BTG4: variants seen among roughly 807,000 people sequenced by gnomAD.
The protein encoded by BTG4 is protein BTG4.
A neutral mutation model predicts 19.3 loss-of-function variants in BTG4; 10 were observed. The ratio of observed to expected loss-of-function variants is 0.52; its 90% confidence interval spans 0.32 to 0.88. The LOEUF (loss-of-function observed/expected upper bound fraction) is 0.88. BTG4 is among the 40% of genes least tolerant of loss of function. BTG4 has a pLI of 0.04. For missense variants in BTG4, 238 were observed against 281.9 expected, an observed-to-expected ratio of 0.84 and a Z score of 1.11; for synonymous variants, 91 against 95.7, an observed-to-expected ratio of 0.95 and a Z score of 0.29.
intron 5 of BTG4, among the ~76,000 whole-genome samples, chr11:111,486,060 G>A (rs1865043449): frequency 6.6e-6 from 1 of 152,158 alleles, no homozygotes; most frequent in Non-Finnish European, 1.5e-5. Context: ...AACCTGAATA[G>A]ACCAATAACA....
the BTG4 span, among the ~76,000 whole-genome samples, chr11:111,450,143 C>A: frequency 3.6e-4 from 55 of 152,310 alleles, no homozygotes; most frequent in African/African-American, 1.2e-3. Context: ...GGGACACTGT[C>A]CAAGAGGTCA....
At chr11:111,498,865 T>A in intron 1 of BTG4, 63 bp from the exon 2 acceptor site, 2 of 1,190,102 alleles carry the variant, frequency 1.7e-6, no homozygotes, top group Non-Finnish European at 2.3e-6. Context: ...TATCAATATT[T>A]AACTGCCATT....
At chr11:111,477,859 G>GA (rs1277256744) in intron 5 of BTG4, among the ~76,000 whole-genome samples, 1 of 152,026 alleles carries the variant, frequency 6.6e-6, no homozygotes, top group Non-Finnish European at 1.5e-5. Flanking sequence ...AAAACAACAA[G>GA]AAAAAACTGG....
chr11:111,513,792 A>G (rs921751719), upstream of BTG4, among the ~76,000 whole-genome samples: 2 of 152,134 alleles, frequency 1.3e-5, no homozygotes, highest in African/African-American at 2.4e-5. Flanking sequence ...TATTATATGA[A>G]CATGTGATTA....
the BTG4 span, among the ~76,000 whole-genome samples, chr11:111,412,278 G>A: frequency 2.0e-5 from 3 of 152,180 alleles, no homozygotes; most frequent in African/African-American, 7.2e-5. Context: ...GAGGTGGGTA[G>A]GACAAATTCT....
At chr11:111,478,014 C>G (rs1207200504) in intron 5 of BTG4, among the ~76,000 whole-genome samples, 1 of 152,050 alleles carries the variant, frequency 6.6e-6, no homozygotes, top group Non-Finnish European at 1.5e-5. Context: ...CAGGGTAGTT[C>G]AAACCCTCCT....
chr11:111,412,552 C>T, the BTG4 span, among the ~76,000 whole-genome samples: 6,012 of 152,226 alleles, frequency 0.039, 128 homozygotes, highest in Middle Eastern at 0.14. Flanking sequence ...AGAATAATAA[C>T]AACAACAGTG....
At chr11:111,447,480 C>T in the BTG4 span, among the ~76,000 whole-genome samples, 1 of 152,350 alleles carries the variant, frequency 6.6e-6, no homozygotes, top group East Asian at 1.9e-4. Context: ...GCATTTCACA[C>T]ACGGAGAGTA....
At chr11:111,401,053 T>TAAAAAAAAAA in the BTG4 span, 2 of 82,150 alleles carry the variant, frequency 2.4e-5, no homozygotes, top group Non-Finnish European at 4.3e-5. Context: ...ACCTGGAGCA[T>TAAAAAAAAAA]AAAAAAAAAA....
chr11:111,455,320 C>G, the BTG4 span: 1 of 304,708 alleles, frequency 3.3e-6, no homozygotes, highest in East Asian at 7.9e-5. Context: ...GGGGTGTCCC[C>G]GAGCTTGCTG....
chr11:111,447,111 C>T, the BTG4 span, among the ~76,000 whole-genome samples: 2 of 152,318 alleles, frequency 1.3e-5, no homozygotes, highest in East Asian at 3.9e-4. Context: ...CCCTACAACG[C>T]CTCCTTCTGC....
intron 1 of BTG4, among the ~76,000 whole-genome samples, chr11:111,499,895 A>C (rs750987772): frequency 6.6e-6 from 1 of 152,076 alleles, no homozygotes; most frequent in South Asian, 2.1e-4. Context: ...TAATCCCAAC[A>C]CTTTGGAAGG....
At chr11:111,464,354 C>G (rs1357862024), downstream of BTG4, among the ~76,000 whole-genome samples, 1 of 152,118 alleles carries the variant, frequency 6.6e-6, no homozygotes, top group Non-Finnish European at 1.5e-5. Flanking sequence ...TTGCCATGTT[C>G]TATTCATTTG....
chr11:111,438,997 C>T, the BTG4 span, among the ~76,000 whole-genome samples: 6 of 152,332 alleles, frequency 3.9e-5, no homozygotes, highest in East Asian at 5.8e-4. Flanking sequence ...CAGGCTGCCC[C>T]GGCCTGGGTA....
chr11:111,405,104 G>A, the BTG4 span, among the ~76,000 whole-genome samples: 1 of 152,124 alleles, frequency 6.6e-6, no homozygotes, highest in Non-Finnish European at 1.5e-5. Flanking sequence ...GACTCTGCTG[G>A]ACATTAAGAT....
the BTG4 span, among the ~76,000 whole-genome samples, chr11:111,427,514 A>G: frequency 3.3e-5 from 5 of 152,282 alleles, no homozygotes; most frequent in African/African-American, 1.2e-4. Flanking sequence ...TTTCCTAATA[A>G]ATATTCTTCT....
At chr11:111,489,491 A>C (rs536021832) in intron 5 of BTG4, among the ~76,000 whole-genome samples, 1 of 152,348 alleles carries the variant, frequency 6.6e-6, no homozygotes, top group African/African-American at 2.4e-5. Flanking sequence ...TCCCATGTTT[A>C]TTGCAACCCT....
At chr11:111,454,284 C>T in the BTG4 span, 3 of 456,276 alleles carry the variant, frequency 6.6e-6, no homozygotes, top group East Asian at 2.1e-4. Context: ...TGGTTTGACA[C>T]AGAGGCCTTC....
In BTG4 at chr11:111,499,630, T is replaced by C. The variant is rs114684098; in HGVS notation, c.-26-828A>G. On this transcript the variant is annotated intron_variant, in intron 1 of 4. Transcript: ENST00000692032. ...TATCGTACATTCCAATGATGTCATC[T>C]CTAACTTAGCTGACAACATATTAAG... Among the ~76,000 whole-genome samples, 392 of 152,346 alleles carry C rather than the reference T, an allele frequency of 2.6e-3. 3 individuals are homozygous for C. The highest frequency in any genetic ancestry group is 9.1e-3 in the African/African-American group (377 of 41,578).
Sources: gnomAD v4.1 joint callset for allele counts (sites outside exome capture counted in the v4.1 genomes callset) on GRCh38, gnomAD v4.1.1 for gene constraint, MANE v1.5 for transcripts, NCBI Gene and HGNC (gene_info 2026-07-23, HGNC 2026-07-21) for gene names.